The following PCDHA2 variants were observed in gnomAD, a reference collection of about 807,000 sequenced individuals.
PCDHA2 encodes protocadherin alpha-2.
PCDHA2 carries 58 observed loss-of-function variants against 66.0 expected under a neutral mutation model. The ratio of observed to expected loss-of-function variants is 0.88; its 90% confidence interval spans 0.71 to 1.09. PCDHA2 has a LOEUF of 1.09. PCDHA2 is among the 50% of genes least tolerant of loss of function. PCDHA2 has a pLI of 0.00. For synonymous variants in PCDHA2, 634 were observed against 554.0 expected, an observed-to-expected ratio of 1.14 and a Z score of -2.03; for missense variants, 1,267 against 1,242.3, an observed-to-expected ratio of 1.02 and a Z score of -0.30.
intron 1 of PCDHA2, chr5:140,876,140 C>T: frequency 6.2e-7 from 1 of 1,613,944 alleles, no homozygotes; most frequent in East Asian, 2.2e-5. Context: ...CCAGAACTAA[C>T]AGGGTCTGTC....
At chr5:141,000,639 G>A (rs1375900945) in intron 3 of PCDHA2, among the ~76,000 whole-genome samples, 2 of 151,186 alleles carry the variant, frequency 1.3e-5, no homozygotes, top group East Asian at 1.9e-4. Flanking sequence ...TGTTGGGCAG[G>A]CTGGTCTCGA....
chr5:140,992,436 G>A (rs782486395), intron 3 of PCDHA2, among the ~76,000 whole-genome samples: 10 of 152,186 alleles, frequency 6.6e-5, no homozygotes, highest in Non-Finnish European at 1.3e-4. Flanking sequence ...TGTTCCAAGA[G>A]TTGGGAGCAG....
At chr5:140,955,401 A>T (rs1202478496) in intron 1 of PCDHA2, among the ~76,000 whole-genome samples, 2 of 152,122 alleles carry the variant, frequency 1.3e-5, no homozygotes, top group African/African-American at 4.8e-5. Flanking sequence ...TATCCCATAC[A>T]GTTCTCATGA....
intron 1 of PCDHA2, among the ~76,000 whole-genome samples, chr5:140,799,054 A>T (rs1262692335): frequency 1.3e-5 from 2 of 152,196 alleles, no homozygotes; most frequent in Non-Finnish European, 2.9e-5. Flanking sequence ...TTATATTCAC[A>T]TATATCCAAA....
At chr5:140,881,953 T>G in intron 1 of PCDHA2, 1 of 335,146 alleles carries the variant, frequency 3.0e-6, no homozygotes, top group Non-Finnish European at 5.4e-6. Context: ...AAGGTAAACA[T>G]TTAATCTTCA....
At chr5:140,849,015 C>T (rs2040740928) in intron 1 of PCDHA2, 1 of 1,588,546 alleles carries the variant, frequency 6.3e-7, no homozygotes, top group Admixed American at 1.7e-5. Flanking sequence ...CAGACTGAGC[C>T]CCAATGAGTA....
chr5:140,851,070 T>C, intron 1 of PCDHA2: 1 of 1,351,546 alleles, frequency 7.4e-7, no homozygotes. Flanking sequence ...CTAGTGAGAA[T>C]TATAAACTGT....
chr5:140,831,520 CTTTTTTT>C (rs35178185), intron 1 of PCDHA2, among the ~76,000 whole-genome samples: 8 of 122,400 alleles, frequency 6.5e-5, no homozygotes, highest in African/African-American at 9.5e-5. Context: ...TGCCCCCCAC[CTTTTTTT>C]TTTTTTTTTT....
chr5:140,828,886 T>C lies in PCDHA2; in HGVS notation c.2388+31534T>C, dbSNP rs1485794831. On this transcript the variant is annotated intron_variant, in intron 1 of 3. Coordinates refer to ENST00000526136, the MANE Select transcript of PCDHA2 (RefSeq NM_018905.3). Reference sequence around the variant, plus strand: ...ACGGAACAACAGTTATCAGACTGAATGCTTCTGATCGGGATGAAGGAGCGA... The same window carrying C: ...ACGGAACAACAGTTATCAGACTGAACGCTTCTGATCGGGATGAAGGAGCGA... 7 of 1,614,126 alleles carry C rather than the reference T, an allele frequency of 4.3e-6. No individual in the cohort carries two copies. In the African/African-American group the frequency reaches 5.3e-5, roughly 12 times the overall value.
intron 1 of PCDHA2, chr5:140,927,106 A>C (rs782151576): frequency 6.2e-7 from 1 of 1,613,678 alleles, no homozygotes; most frequent in Non-Finnish European, 8.5e-7. Context: ...GGATCTACCC[A>C]GCGGCAATTT....
At chr5:140,842,814 G>C (rs1581016277) in intron 1 of PCDHA2, 1 of 1,593,900 alleles carries the variant, frequency 6.3e-7, no homozygotes, top group African/African-American at 1.3e-5. Context: ...GTGGAGCGGC[G>C]GGTGGGCGAG....
At chr5:140,992,152 A>G (rs1440263664) in intron 3 of PCDHA2, among the ~76,000 whole-genome samples, 2 of 152,004 alleles carry the variant, frequency 1.3e-5, no homozygotes, top group Non-Finnish European at 2.9e-5. Context: ...ACTTTGCTCA[A>G]TCAAGAAGTG....
chr5:140,807,523 G>A, intron 1 of PCDHA2: 1 of 1,614,104 alleles, frequency 6.2e-7, no homozygotes, highest in South Asian at 1.1e-5. Context: ...TCGTAGACAG[G>A]CCGCTGCAGG....
intron 1 of PCDHA2, chr5:140,876,169 C>T (rs782706242): frequency 3.1e-6 from 5 of 1,613,798 alleles, no homozygotes; most frequent in Non-Finnish European, 4.2e-6. Context: ...AATAACCGTC[C>T]TGGATGTGAA....
chr5:140,820,470 G>A (rs1260477668), intron 1 of PCDHA2, among the ~76,000 whole-genome samples: 2 of 151,808 alleles, frequency 1.3e-5, no homozygotes, highest in African/African-American at 4.8e-5. Flanking sequence ...CACAGGTAAG[G>A]GATATTTTGT....
At chr5:140,891,963 A>C (rs1202145353) in intron 1 of PCDHA2, among the ~76,000 whole-genome samples, 1 of 152,214 alleles carries the variant, frequency 6.6e-6, no homozygotes, top group African/African-American at 2.4e-5. Flanking sequence ...TGTGAGAAGT[A>C]AATTTCCGTT....
At chr5:140,981,336 G>A (rs1332617891) in intron 2 of PCDHA2, among the ~76,000 whole-genome samples, 1 of 152,188 alleles carries the variant, frequency 6.6e-6, no homozygotes, top group Non-Finnish European at 1.5e-5. Context: ...CACTTTGGGA[G>A]GGTGAGGCAG....
Position 141,009,628 on chromosome 5 carries a change from A to G in PCDHA2, c.2538A>G (p.Glu846=), listed in dbSNP as rs1441195912. The G allele has an allele frequency of 1.2e-6, 2 of 1,613,000 alleles. No individual in the cohort carries two copies. The highest frequency in any genetic ancestry group is 2.2e-5 in the East Asian group (1 of 44,852). Residue 846 remains glutamate, a splice_region_variant and synonymous_variant, in exon 4 of 4, where the codon GAA becomes GAG. Coordinates refer to ENST00000526136, the MANE Select transcript of PCDHA2 (RefSeq NM_018905.3). ...GATTTGTAATGTTTTGTCTTTCAGA[A>G]CCAGAGGCAGGAGAAGTGTCCCCTC... is the stretch of plus-strand genomic sequence containing the variant. ...QWPTVSSATP[E]PEAGEVSPPV...
At chr5:140,852,188 C>A in intron 1 of PCDHA2, 1 of 732,160 alleles carries the variant, frequency 1.4e-6, no homozygotes, top group Non-Finnish European at 1.7e-6. Flanking sequence ...TATGAAAATG[C>A]CAGTAACGTT....
Sources: gnomAD v4.1 joint callset for allele counts (sites outside exome capture counted in the v4.1 genomes callset) on GRCh38, gnomAD v4.1.1 for gene constraint, MANE v1.5 for transcripts, NCBI Gene and HGNC (gene_info 2026-07-23, HGNC 2026-07-21) for gene names.